MMS19: variants seen among roughly 807,000 people sequenced by gnomAD.
MMS19 encodes the protein MMS19 cytosolic iron-sulfur assembly component.
MMS19 carries 77 observed loss-of-function variants against 129.8 expected under a neutral mutation model. The observed-to-expected ratio is 0.59, with a 90% CI of 0.49 to 0.72. MMS19 has a LOEUF of 0.72. MMS19 is among the 30% of genes least tolerant of loss of function. MMS19 has a pLI of 0.00. For missense variants in MMS19, 1,168 were observed against 1,266.3 expected, an observed-to-expected ratio of 0.92 and a Z score of 1.18; for synonymous variants, 491 against 502.8, an observed-to-expected ratio of 0.98 and a Z score of 0.31.
intron 23 of MMS19, 76 bp downstream of exon 23, chr10:97,461,420 G>C (rs199766971): frequency 4.0e-6 from 6 of 1,486,282 alleles, no homozygotes; most frequent in Middle Eastern, 3.8e-4. Context: ...CTTTTAAAAA[G>C]AGAATGAGTA....
chr10:97,484,993 T>C (rs1017127352), intron 1 of MMS19, among the ~76,000 whole-genome samples: 1 of 152,172 alleles, frequency 6.6e-6, no homozygotes, highest in Non-Finnish European at 1.5e-5. Flanking sequence ...GTTGCTGGTC[T>C]TGAACTCATG....
intron 3 of MMS19, 150 bp downstream of exon 3, chr10:97,480,792 C>T: frequency 1.5e-6 from 1 of 667,776 alleles, no homozygotes; most frequent in Non-Finnish European, 2.7e-6. Flanking sequence ...ATCATCTCTG[C>T]CACATATACC....
At chr10:97,465,348 G>C (rs923151033) in intron 18 of MMS19, among the ~76,000 whole-genome samples, 2 of 151,918 alleles carry the variant, frequency 1.3e-5, no homozygotes, top group African/African-American at 4.8e-5. Flanking sequence ...AGGCTGGCCA[G>C]GCTGGAGTAC....
rs2033347223 is a variant in MMS19, at chr10:97,465,785, TG to T, written c.1756+19del. ...CTCCCTATTCAGCCCAGTCCGTTGG[TG>T]GTTATTCCTAGTAGTTACCTCTGTT... is the stretch of plus-strand genomic sequence containing the variant. On this transcript the variant is annotated intron_variant, in intron 18 of 30. Transcript: ENST00000438925. The T allele has an allele frequency of 2.5e-6, 4 of 1,606,376 alleles. No homozygotes were observed. The highest frequency in any genetic ancestry group is 3.4e-6 in the Non-Finnish European group (4 of 1,177,806).
chr10:97,473,560 T>G (rs907875145), intron 8 of MMS19, among the ~76,000 whole-genome samples: 1 of 151,230 alleles, frequency 6.6e-6, no homozygotes, highest in African/African-American at 2.4e-5. Context: ...TAAGGGAATC[T>G]AGGATGACGG....
intron 15 of MMS19, 56 bp from the exon 16 acceptor site, chr10:97,466,641 C>A: frequency 6.3e-7 from 1 of 1,577,772 alleles, no homozygotes; most frequent in South Asian, 1.1e-5. Context: ...CCATCACAAC[C>A]CTTCTAAGCT....
Position 97,498,304 on chromosome 10 carries a change from C to T in MMS19, c.81G>A (p.Gln27=), listed in dbSNP as rs1195129325. Residue 27 remains glutamine, a synonymous_variant, in exon 1 of 31, where the codon CAG becomes CAA. Coordinates refer to ENST00000438925, the MANE Select transcript of MMS19 (RefSeq NM_022362.5). ...WGLVHDFVVG[Q]QEGPADQVAA... is the part of the protein sequence containing the mutation. ...CCACCTGGTCAGCGGGGCCCTCTTGCTGACCCACGACGAAGTCGTGCACGA... is the reference window on the plus strand; with the variant it reads ...CCACCTGGTCAGCGGGGCCCTCTTGTTGACCCACGACGAAGTCGTGCACGA... 1.9e-6 allele frequency: 3 copies of T among 1,572,220 alleles called. No individual in the cohort carries two copies. The highest frequency in any genetic ancestry group is 2.6e-6 in the Non-Finnish European group (3 of 1,166,112).
At chr10:97,494,162 T>C (rs1254252991) in intron 1 of MMS19, among the ~76,000 whole-genome samples, 2 of 152,156 alleles carry the variant, frequency 1.3e-5, no homozygotes, top group Non-Finnish European at 2.9e-5. Context: ...AAAAAATCAG[T>C]GTAAGTTCAT....
At chr10:97,489,630 T>C (rs2038535797) in intron 1 of MMS19, among the ~76,000 whole-genome samples, 1 of 152,244 alleles carries the variant, frequency 6.6e-6, no homozygotes, top group Non-Finnish European at 1.5e-5. Flanking sequence ...TAATGCCAAA[T>C]TTCTGTTCCA....
rs1564620095 is a variant in MMS19, at chr10:97,461,642, G to T, written c.2185-20C>A. On this transcript the variant is annotated intron_variant, in intron 22 of 30. Coordinates refer to ENST00000438925, the MANE Select transcript of MMS19 (RefSeq NM_022362.5). ...TTCCACCTACAGAAAACCTGGCCAT[G>T]TAATGGACCCAGAGAACACTTGAAC... 1.3e-6 allele frequency: 2 copies of T among 1,593,870 alleles called. No individual in the cohort carries two copies. Among genetic ancestry groups the T allele is most frequent in the East Asian group, 4.5e-5 (2 of 44,068 alleles).
At chr10:97,459,847 GA>G in intron 26 of MMS19, 106 bp from the exon 27 acceptor site, 2 of 1,045,022 alleles carry the variant, frequency 1.9e-6, no homozygotes, top group Non-Finnish European at 2.9e-6. Flanking sequence ...ACAAACGGGT[GA>G]AAGAGCCCTT....
intron 15 of MMS19, 56 bp downstream of exon 15, chr10:97,466,720 G>A: frequency 6.2e-7 from 1 of 1,611,930 alleles, no homozygotes; most frequent in Admixed American, 1.7e-5. Context: ...TTTCACCAAG[G>A]CAGTCTTACA....
At chr10:97,489,099 C>T (rs1250580161) in intron 1 of MMS19, among the ~76,000 whole-genome samples, 1 of 152,098 alleles carries the variant, frequency 6.6e-6, no homozygotes, top group Non-Finnish European at 1.5e-5. Context: ...CCTTGGCCTC[C>T]CAAAGTGCTG....
chr10:97,487,358 G>A (rs374246253), intron 1 of MMS19, among the ~76,000 whole-genome samples: 4 of 131,754 alleles, frequency 3.0e-5, no homozygotes, highest in African/African-American at 1.2e-4. Context: ...TCGCTCTTTC[G>A]CCCAGGCCAG....
In MMS19 at chr10:97,458,689, G is replaced by A; in HGVS notation, c.*3C>T. 23 of 1,607,318 alleles carry A rather than the reference G, an allele frequency of 1.4e-5. No homozygotes were observed. Among genetic ancestry groups the A allele is most frequent in the East Asian group, 2.2e-5 (1 of 44,588 alleles). On this transcript the variant is annotated 3_prime_UTR_variant, in exon 31 of 31. Transcript: ENST00000438925. ...CAGAACAGTCTAGGCCAGGACTGAG[G>A]GCTCAGCTGCCAGGGCTCCCCAACA... is the stretch of plus-strand genomic sequence containing the variant.
intron 16 of MMS19, 65 bp from the exon 17 acceptor site, chr10:97,466,224 A>G (rs2033453318): frequency 3.8e-6 from 5 of 1,322,910 alleles, no homozygotes; most frequent in Non-Finnish European, 5.3e-6. Context: ...CCTACGTCTG[A>G]TATTAGGCAG....
chr10:97,495,328 G>A (rs531122706), intron 1 of MMS19, among the ~76,000 whole-genome samples: 2 of 152,324 alleles, frequency 1.3e-5, no homozygotes, highest in South Asian at 4.1e-4. Flanking sequence ...ATCGCCTGCA[G>A]CTTCTTTACA....
At chr10:97,475,140 G>A (rs29001294) in intron 8 of MMS19, among the ~76,000 whole-genome samples, 825 of 152,276 alleles carry the variant, frequency 5.4e-3, no homozygotes, top group Middle Eastern at 0.014. Context: ...GAATGAAAGA[G>A]CTAACTTATA....
chr10:97,483,683 TG>T, intron 2 of MMS19, among the ~76,000 whole-genome samples: 1 of 152,362 alleles, frequency 6.6e-6, no homozygotes, highest in Middle Eastern at 3.4e-3. Flanking sequence ...AGTAGGGATC[TG>T]CAGCAGGGTC....
Sources: gnomAD v4.1 joint callset for allele counts (sites outside exome capture counted in the v4.1 genomes callset) on GRCh38, gnomAD v4.1.1 for gene constraint, MANE v1.5 for transcripts, NCBI Gene and HGNC (gene_info 2026-07-23, HGNC 2026-07-21) for gene names.